The following TCTN1 variants were observed in gnomAD, a reference collection of about 807,000 sequenced individuals.
TCTN1 encodes the protein tectonic-1.
TCTN1 carries 58 observed loss-of-function variants against 65.8 expected under a neutral mutation model. The ratio of observed to expected loss-of-function variants is 0.88; its 90% CI spans 0.71 to 1.10. The LOEUF is 1.10. TCTN1 is among the 50% of genes least tolerant of loss of function. The pLI is 0.00. For missense variants in TCTN1, 645 were observed against 719.4 expected (o/e 0.90, Z 1.18); for synonymous variants, 273 against 289.1 (o/e 0.94, Z 0.57).
intron 6 of TCTN1, 56 bp downstream of exon 6, chr12:110,634,835 C>A (rs750232713): frequency 1.5e-6 from 2 of 1,358,950 alleles, no homozygotes; most frequent in East Asian, 2.4e-5. Context: ...GTTCTTTCTG[C>A]GCTTTTAAAA....
chr12:110,629,180 C>A, intron 4 of TCTN1: 1 of 560,800 alleles, frequency 1.8e-6, no homozygotes, highest in Non-Finnish European at 3.1e-6. Flanking sequence ...AGGACATAGA[C>A]ATGGGCAAAG....
chr12:110,619,605 C>T (rs901757453), intron 1 of TCTN1, among the ~76,000 whole-genome samples: 59 of 152,190 alleles, frequency 3.9e-4, no homozygotes, highest in African/African-American at 1.4e-3. Context: ...GTAGGCAAAG[C>T]ACTAACAGAA....
Position 110,647,741 on chromosome 12 carries a change from T to TATTA in TCTN1, c.1636-7_1636-4dup. 1 of 1,614,228 alleles carries TATTA rather than the reference T, an allele frequency of 6.2e-7. No homozygotes were observed. The highest frequency in any genetic ancestry group is 8.5e-7 in the Non-Finnish European group (1 of 1,180,052). The stretch of plus-strand genomic sequence containing the variant: ...AGGGTGGGCCTTGCATCTCTCTGTT[T>TATTA]ATTACAGGCCAACTCAGGAAATGAA... On this transcript the variant is annotated splice_region_variant and splice_polypyrimidine_tract_variant and intron_variant, in intron 13 of 14. Coordinates refer to ENST00000397659, the MANE Select transcript of TCTN1 (RefSeq NM_001082538.3).
intron 2 of TCTN1, among the ~76,000 whole-genome samples, chr12:110,623,254 T>G (rs1255180874): frequency 1.3e-5 from 2 of 152,250 alleles, no homozygotes; most frequent in Admixed American, 1.3e-4. Context: ...ACCTTGGTAC[T>G]CAGAGTTTCC....
rs1015301752 is a variant in TCTN1 at position 110,649,336 on chromosome 12, G to C, written c.*295G>C. Reference sequence around the variant, plus strand: ...AAACCTCTCACCAAGCGGCCCAGGAGGGGCAGCTGTTCCTCTCGTGACAGC... The same window carrying C: ...AAACCTCTCACCAAGCGGCCCAGGACGGGCAGCTGTTCCTCTCGTGACAGC... On this transcript the variant is annotated 3_prime_UTR_variant, in exon 15 of 15. Coordinates refer to ENST00000397659, the MANE Select transcript of TCTN1 (RefSeq NM_001082538.3). 3.3e-6 allele frequency: 4 copies of C among 1,224,828 alleles called. No homozygotes were observed. The highest frequency in any genetic ancestry group is 2.5e-5 in the South Asian group (2 of 79,756). The allele number at this position is 1,224,828 out of a possible 1,614,324, so 75.9% of individuals were successfully genotyped here. A position where few individuals can be genotyped will look rare whatever the true frequency, so the allele number is the denominator to read the frequency against.
chr12:110,623,814 C>A, intron 2 of TCTN1, among the ~76,000 whole-genome samples: 1 of 151,908 alleles, frequency 6.6e-6, no homozygotes. Context: ...GTCTTGAACT[C>A]CTGGCCTCAA....
At chr12:110,615,634 C>T (rs1343232393) in intron 1 of TCTN1, among the ~76,000 whole-genome samples, 1 of 152,108 alleles carries the variant, frequency 6.6e-6, no homozygotes, top group African/African-American at 2.4e-5. Context: ...GCGTGCTCCC[C>T]CAGCTTGCTT....
At chr12:110,617,238 GA>G (rs2065105089) in intron 1 of TCTN1, among the ~76,000 whole-genome samples, 1 of 152,076 alleles carries the variant, frequency 6.6e-6, no homozygotes, top group African/African-American at 2.4e-5. Flanking sequence ...ACTTTAGGGG[GA>G]AAGCTTTTGT....
chr12:110,619,937 T>C lies in TCTN1; in HGVS notation c.322T>C (p.Cys108Arg), dbSNP rs1395038342. The change falls in exon 2 of 15, where the codon TGC (cysteine) becomes CGC (arginine). Residue 108 changes from cysteine to arginine, a missense_variant. Physicochemically the swap from Cys to Arg is radical, Grantham distance 180. Coordinates refer to ENST00000397659, the MANE Select transcript of TCTN1 (RefSeq NM_001082538.3). ...SSVDFSVFSACSVPVVTGDSQ... is the reference protein window; with the variant it reads ...SSVDFSVFSARSVPVVTGDSQ... The stretch of plus-strand genomic sequence containing the variant: ...CGTGGATTTCAGTGTCTTTTCTGCC[T>C]GCTCAGTTCCAGTTGTCACGTAAGT... 1.2e-6 allele frequency: 2 copies of C among 1,614,070 alleles called. No individual in the cohort carries two copies. Among genetic ancestry groups the C allele is most frequent in the Non-Finnish European group, 8.5e-7 (1 of 1,180,048 alleles).
chr12:110,642,900 C>T (rs1046799671), intron 11 of TCTN1, among the ~76,000 whole-genome samples: 1 of 152,058 alleles, frequency 6.6e-6, no homozygotes, highest in African/African-American at 2.4e-5. Context: ...GGACTACAGG[C>T]ATGTGGCAAC....
At chr12:110,642,505 C>T in intron 11 of TCTN1, 116 bp downstream of exon 11, 1 of 1,418,596 alleles carries the variant, frequency 7.0e-7, no homozygotes. Context: ...ATGAAAGCCA[C>T]ATATAGTATA....
chr12:110,636,784 A>G (rs1179086010), intron 7 of TCTN1, among the ~76,000 whole-genome samples: 1 of 152,210 alleles, frequency 6.6e-6, no homozygotes, highest in Admixed American at 6.5e-5. Flanking sequence ...ACTTCTGGAC[A>G]TTCAGGCTAT....
rs1185545742 is a variant in TCTN1 at position 110,639,370 on chromosome 12, G to A, written c.844-1013G>A. On this transcript the variant is annotated intron_variant, in intron 7 of 14. Transcript: ENST00000397659. The surrounding 1 kb of genome is among the most constrained non-coding windows in gnomAD (Gnocchi z 4.9). ...GCACTGGGATAAGCAGGGCTTCCCT[G>A]GTGCTGCTGAAAATGTTTGTCTGTG... Among the ~76,000 whole-genome samples, 1 of 152,124 alleles carries A rather than the reference G, an allele frequency of 6.6e-6. No homozygotes were observed. Among genetic ancestry groups the A allele is most frequent in the Admixed American group, 6.6e-5 (1 of 15,264 alleles).
intron 2 of TCTN1, among the ~76,000 whole-genome samples, chr12:110,624,227 GT>G (rs2065665236): frequency 6.6e-6 from 1 of 151,358 alleles, no homozygotes; most frequent in South Asian, 2.1e-4. Flanking sequence ...CAGCCTCTAT[GT>G]TTTTTTGAGA....
chr12:110,628,696 C>A, intron 3 of TCTN1, 71 bp from the exon 4 acceptor site: 1 of 1,371,720 alleles, frequency 7.3e-7, no homozygotes, highest in South Asian at 1.3e-5. Flanking sequence ...TTTCCAAAAC[C>A]TTTATATAGG....
chr12:110,641,729 A>G (rs1233020325), intron 10 of TCTN1, 102 bp downstream of exon 10: 1 of 1,218,170 alleles, frequency 8.2e-7, no homozygotes, highest in Non-Finnish European at 1.2e-6. Flanking sequence ...GCTTGTGGGA[A>G]GGAGAGAGCA....
intron 6 of TCTN1, among the ~76,000 whole-genome samples, chr12:110,635,062 A>C (rs1327520697): frequency 6.6e-6 from 1 of 152,230 alleles, no homozygotes; most frequent in East Asian, 1.9e-4. Context: ...CGAATAACTA[A>C]AAACTTTAGA....
chr12:110,649,239 G>T lies in TCTN1; in HGVS notation c.*198G>T. 1 of 676,382 alleles carries T rather than the reference G, an allele frequency of 1.5e-6. No homozygotes were observed. The highest frequency in any genetic ancestry group is 2.7e-6 in the Non-Finnish European group (1 of 371,216). 41.9% of individuals were successfully genotyped at this position (676,382 alleles called of 1,614,324 possible). A position where few individuals can be genotyped will look rare whatever the true frequency, so the allele number is the denominator to read the frequency against. On this transcript the variant is annotated 3_prime_UTR_variant, in exon 15 of 15. Transcript: ENST00000397659. The stretch of plus-strand genomic sequence containing the variant: ...GGGAGTGGATGGGCAGCTCTTGGTG[G>T]TACTGGACCTTCCACAAGGCTGTGT...
At chr12:110,624,379 A>C (rs2065678729) in intron 2 of TCTN1, among the ~76,000 whole-genome samples, 1 of 149,410 alleles carries the variant, frequency 6.7e-6, no homozygotes, top group Non-Finnish European at 1.5e-5. Context: ...ATGCCGGACT[A>C]ATTTTTTCTT....
Sources: allele counts gnomAD v4.1 joint callset (sites outside exome capture counted in the v4.1 genomes callset), GRCh38; gene constraint gnomAD v4.1.1; non-coding constraint Gnocchi (gnomAD v3.1); transcripts MANE v1.5; gene names NCBI Gene and HGNC (gene_info 2026-07-23, HGNC 2026-07-21).